DIAPH2: variants seen among roughly 807,000 people sequenced by gnomAD.
DIAPH2 encodes protein diaphanous homolog 2.
A neutral mutation model predicts 92.7 loss-of-function variants in DIAPH2; 35 were observed. The ratio of observed to expected loss-of-function variants is 0.38; its 90% confidence interval spans 0.29 to 0.50. The LOEUF (loss-of-function observed/expected upper bound fraction) is 0.50, where lower values mean the gene tolerates loss of function less well. DIAPH2 is among the 20% of genes least tolerant of loss of function. DIAPH2 has a pLI of 0.94. For missense variants in DIAPH2, 701 were observed against 819.5 expected (o/e 0.86, Z 1.77); for synonymous variants, 301 against 280.4 (o/e 1.07, Z -0.73).
chrX:96,860,241 G>A (rs936916109), intron 4 of DIAPH2, among the ~76,000 whole-genome samples: 1 of 111,999 alleles, frequency 8.9e-6, no homozygotes, highest in Non-Finnish European at 1.9e-5. Context: ...AAAAATACCT[G>A]CAAGTTTATT....
intron 4 of DIAPH2, among the ~76,000 whole-genome samples, chrX:96,815,463 C>T (rs759029901): frequency 1.8e-5 from 2 of 111,903 alleles, no homozygotes; most frequent in South Asian, 3.8e-4. Context: ...ATTGGAAATC[C>T]CCCTACCCCT....
intron 5 of DIAPH2, among the ~76,000 whole-genome samples, chrX:96,886,467 A>G (rs2065263087): frequency 9.0e-6 from 1 of 111,176 alleles, no homozygotes; most frequent in Non-Finnish European, 1.9e-5. Context: ...GGCCTGTGTC[A>G]GTGGCCATTA....
chrX:97,494,095 G>GTA (rs1176330067), intron 26 of DIAPH2, among the ~76,000 whole-genome samples: 8 of 86,552 alleles, frequency 9.2e-5, no homozygotes, highest in Non-Finnish European at 1.3e-4. Flanking sequence ...ATATTTGTGT[G>GTA]TATATATATA....
intron 24 of DIAPH2, among the ~76,000 whole-genome samples, chrX:97,379,521 A>G (rs755653540): frequency 6.2e-5 from 7 of 112,424 alleles, no homozygotes; most frequent in Admixed American, 2.8e-4. Flanking sequence ...GATTCTGCAG[A>G]TGTGGAAACT....
intron 26 of DIAPH2, among the ~76,000 whole-genome samples, chrX:97,438,137 GA>G (rs201855867): frequency 0.012 from 1,089 of 92,979 alleles, 15 homozygotes; most frequent in African/African-American, 0.04. Context: ...AAAAAAAAAA[GA>G]AAAAAAAAAG....
At chrX:97,094,379 G>A (rs1301299012) in intron 19 of DIAPH2, among the ~76,000 whole-genome samples, 1 of 111,754 alleles carries the variant, frequency 8.9e-6, no homozygotes, top group African/African-American at 3.3e-5. Flanking sequence ...AGATTAGATA[G>A]GAAACCTTTA....
chrX:97,067,985 A>G (rs2066644753), intron 17 of DIAPH2, among the ~76,000 whole-genome samples: 1 of 111,788 alleles, frequency 8.9e-6, no homozygotes, highest in Non-Finnish European at 1.9e-5. Flanking sequence ...ATACCTTCAA[A>G]TATATTAGAT....
At chrX:97,428,815 A>G (rs1477783559) in intron 25 of DIAPH2, among the ~76,000 whole-genome samples, 1 of 111,821 alleles carries the variant, frequency 8.9e-6, no homozygotes, top group African/African-American at 3.3e-5. Context: ...GCACAGTGTA[A>G]TAGAGACTTT....
chrX:97,440,150 C>G (rs1277787949), intron 26 of DIAPH2, among the ~76,000 whole-genome samples: 1 of 111,573 alleles, frequency 9.0e-6, no homozygotes, highest in East Asian at 2.8e-4. Context: ...ATACCCACGT[C>G]CAGTTCCTCT....
At chrX:97,008,804 C>T (rs1242787700) in intron 17 of DIAPH2, among the ~76,000 whole-genome samples, 2 of 111,583 alleles carry the variant, frequency 1.8e-5, no homozygotes, top group Admixed American at 9.5e-5. Flanking sequence ...GCTGAGCTAC[C>T]TGGAGCTGGG....
At chrX:97,372,819 C>CA (rs1043419187) in intron 24 of DIAPH2, among the ~76,000 whole-genome samples, 1 of 109,682 alleles carries the variant, frequency 9.1e-6, no homozygotes, top group Non-Finnish European at 1.9e-5. Context: ...AAAAAAAATA[C>CA]AAAAAAAATT....
At chrX:97,412,144 T>C (rs1030287202) in intron 25 of DIAPH2, among the ~76,000 whole-genome samples, 5 of 111,781 alleles carry the variant, frequency 4.5e-5, no homozygotes, top group African/African-American at 9.8e-5. Flanking sequence ...ATTGACCACA[T>C]AGTTGGAAGT....
At chrX:97,344,103 CGAT>C (rs922858631) in intron 23 of DIAPH2, among the ~76,000 whole-genome samples, 2 of 112,004 alleles carry the variant, frequency 1.8e-5, no homozygotes, top group African/African-American at 6.5e-5. Flanking sequence ...ACATGCAAAT[CGAT>C]GGTGGTAGAA....
chrX:97,488,449 G>T (rs1239446398), intron 26 of DIAPH2, among the ~76,000 whole-genome samples: 1 of 111,887 alleles, frequency 8.9e-6, no homozygotes, highest in East Asian at 2.8e-4. Flanking sequence ...AAGCTTTTTA[G>T]TTTTATGTAA....
At chrX:97,508,989 C>T (rs1478714014) in intron 26 of DIAPH2, among the ~76,000 whole-genome samples, 1 of 107,742 alleles carries the variant, frequency 9.3e-6, no homozygotes, top group East Asian at 2.9e-4. Flanking sequence ...GATTACCCGA[C>T]TACCAAGAGA....
intron 26 of DIAPH2, among the ~76,000 whole-genome samples, chrX:97,491,552 A>C (rs1392339225): frequency 2.7e-5 from 3 of 110,766 alleles, no homozygotes; most frequent in Admixed American, 1.9e-4. Context: ...CTGGGACTAC[A>C]GGCGTGCACC....
At chrX:97,082,321 A>G (rs771797996) in intron 19 of DIAPH2, among the ~76,000 whole-genome samples, 1 of 108,744 alleles carries the variant, frequency 9.2e-6, no homozygotes, top group East Asian at 2.9e-4. Context: ...GAATTTCCTC[A>G]TAAGTGTAAA....
At chrX:97,414,717 A>C (rs1048692432) in intron 25 of DIAPH2, among the ~76,000 whole-genome samples, 1 of 110,748 alleles carries the variant, frequency 9.0e-6, no homozygotes, top group Admixed American at 9.6e-5. Flanking sequence ...AAATTAATCA[A>C]GATGGATTAA....
intron 1 of DIAPH2, among the ~76,000 whole-genome samples, chrX:96,722,078 G>C (rs994533336): frequency 2.0e-4 from 22 of 111,442 alleles, no homozygotes; most frequent in Middle Eastern, 4.6e-3. Flanking sequence ...ACTCTTGGCC[G>C]GGCACAGTGG....
Sources: gnomAD v4.1 joint callset for allele counts (sites outside exome capture counted in the v4.1 genomes callset) on GRCh38, gnomAD v4.1.1 for gene constraint, MANE v1.5 for transcripts, NCBI Gene and HGNC (gene_info 2026-07-23, HGNC 2026-07-21) for gene names.